ANK3: variants seen among roughly 807,000 people sequenced by gnomAD.
ANK3 encodes the protein ankyrin 3, also known as ankyrin-3.
In ANK3, 57 loss-of-function variants were observed where a neutral mutation model predicts 370.9. The observed-to-expected ratio is 0.15, with a 90% CI of 0.12 to 0.19. The LOEUF (loss-of-function observed/expected upper bound fraction) is 0.19, where lower values mean the gene tolerates loss of function less well. ANK3 is among the 10% of genes least tolerant of loss of function. The probability of loss-of-function intolerance (pLI) is 1.00; values close to 1 mark genes in which losing one functional copy is unlikely to be tolerated. For synonymous variants in ANK3, 1,929 were observed against 1,946.3 expected (o/e 0.99, Z 0.23); for missense variants, 4,439 against 5,302.1 (o/e 0.84, Z 5.06).
chr10:60,714,957 A>C (rs574745288), intron 1 of ANK3, among the ~76,000 whole-genome samples: 1 of 152,340 alleles, frequency 6.6e-6, no homozygotes, highest in Admixed American at 6.5e-5. Context: ...CAACACAAAA[A>C]GTGAACACTG....
intron 7 of ANK3, among the ~76,000 whole-genome samples, chr10:60,242,600 C>CT (rs1200803231): frequency 6.6e-6 from 1 of 152,188 alleles, no homozygotes; most frequent in Non-Finnish European, 1.5e-5. Flanking sequence ...TCTCACTCTT[C>CT]TACACCCACT....
At chr10:60,283,795 C>A (rs1372347427) in intron 1 of ANK3, among the ~76,000 whole-genome samples, 1 of 152,024 alleles carries the variant, frequency 6.6e-6, no homozygotes, top group East Asian at 1.9e-4. Flanking sequence ...TTCAGAGTGC[C>A]AACCTCAGTA....
intron 27 of ANK3, 118 bp downstream of exon 27, chr10:60,108,712 G>C: frequency 5.0e-6 from 4 of 805,966 alleles, no homozygotes; most frequent in Non-Finnish European, 6.0e-6. Context: ...TTTACAAAAA[G>C]TATACTCAAT....
chr10:60,457,581 G>A (rs2133051407), intron 2 of ANK3, among the ~76,000 whole-genome samples: 2 of 152,146 alleles, frequency 1.3e-5, no homozygotes, highest in African/African-American at 4.8e-5. Context: ...CACCCTTCAG[G>A]TCGCCCTTTA....
intron 2 of ANK3, among the ~76,000 whole-genome samples, chr10:60,569,405 A>G (rs1015313857): frequency 6.6e-6 from 1 of 152,224 alleles, no homozygotes; most frequent in Non-Finnish European, 1.5e-5. Flanking sequence ...TCTATTCAAG[A>G]CAAGATATCA....
intron 1 of ANK3, among the ~76,000 whole-genome samples, chr10:60,721,954 T>C (rs907805640): frequency 2.0e-5 from 3 of 152,144 alleles, no homozygotes; most frequent in Non-Finnish European, 4.4e-5. Flanking sequence ...CAAGTGTACA[T>C]ACATTTTGAA....
chr10:60,270,457 C>CATATTTAATAGTTAATATTAATATTTA (rs2097955509), intron 4 of ANK3, among the ~76,000 whole-genome samples: 1 of 152,044 alleles, frequency 6.6e-6, no homozygotes, highest in African/African-American at 2.4e-5. Flanking sequence ...GAGTATAGCT[C>CATATTTAATAGTTAATATTAATATTTA]ATAGTTAATA....
At chr10:60,159,709 G>C (rs1422811676) in intron 23 of ANK3, among the ~76,000 whole-genome samples, 1 of 152,084 alleles carries the variant, frequency 6.6e-6, no homozygotes, top group African/African-American at 2.4e-5. Context: ...TTGCAATCAT[G>C]TCAAGTCTCT....
At chr10:60,199,229 T>TC (rs2096635455) in intron 13 of ANK3, among the ~76,000 whole-genome samples, 1 of 152,176 alleles carries the variant, frequency 6.6e-6, no homozygotes, top group Admixed American at 6.5e-5. Flanking sequence ...CCTGTGGTAG[T>TC]CCTCTAAATA....
intron 8 of ANK3, among the ~76,000 whole-genome samples, chr10:60,229,503 T>C (rs914079224): frequency 1.3e-5 from 2 of 152,312 alleles, no homozygotes; most frequent in Admixed American, 1.3e-4. Context: ...GTATTTAACC[T>C]GAGAAACAGA....
chr10:60,509,212 A>G (rs895605383), intron 2 of ANK3, among the ~76,000 whole-genome samples: 2 of 152,156 alleles, frequency 1.3e-5, no homozygotes, highest in African/African-American at 4.8e-5. Context: ...GACATAGGAA[A>G]TATGCAAAAT....
At chr10:60,251,404 A>G (rs2097662989) in intron 7 of ANK3, among the ~76,000 whole-genome samples, 1 of 152,128 alleles carries the variant, frequency 6.6e-6, no homozygotes, top group African/African-American at 2.4e-5. Context: ...GAGATGTTCA[A>G]TCCAGCATGT....
At chr10:60,411,875 TAAG>T (rs2063567240) in intron 2 of ANK3, among the ~76,000 whole-genome samples, 1 of 152,124 alleles carries the variant, frequency 6.6e-6, no homozygotes, top group Non-Finnish European at 1.5e-5. Flanking sequence ...TATATAAAAA[TAAG>T]GAGTCAAATT....
chr10:60,594,365 G>A (rs143817085), intron 2 of ANK3, among the ~76,000 whole-genome samples: 235 of 152,250 alleles, frequency 1.5e-3, no homozygotes, highest in Non-Finnish European at 3.0e-3. Flanking sequence ...TTAATACAGT[G>A]TATGCTACTT....
At chr10:60,394,586 G>C (rs554070558), upstream of ANK3, among the ~76,000 whole-genome samples, 1 of 152,300 alleles carries the variant, frequency 6.6e-6, no homozygotes, top group East Asian at 1.9e-4. Context: ...ACATGAGGAG[G>C]CTTCCCCAAG....
At chr10:60,505,632 T>C (rs1011055037) in intron 2 of ANK3, among the ~76,000 whole-genome samples, 14 of 152,210 alleles carry the variant, frequency 9.2e-5, no homozygotes, top group African/African-American at 3.4e-4. Flanking sequence ...CAATTCCTTA[T>C]GCTACAAAAT....
chr10:60,665,367 G>A (rs141047267), intron 1 of ANK3, among the ~76,000 whole-genome samples: 97 of 152,286 alleles, frequency 6.4e-4, no homozygotes, highest in African/African-American at 2.2e-3. Flanking sequence ...AAACATGCTC[G>A]TCATTGTGCC....
At chr10:60,557,774 C>T (rs758673743) in intron 2 of ANK3, among the ~76,000 whole-genome samples, 1 of 151,984 alleles carries the variant, frequency 6.6e-6, no homozygotes, top group Non-Finnish European at 1.5e-5. Flanking sequence ...CTATAAAAGG[C>T]CCAGACATAA....
At chr10:60,723,963 C>A (rs1053337147) in intron 1 of ANK3, among the ~76,000 whole-genome samples, 2 of 151,388 alleles carry the variant, frequency 1.3e-5, no homozygotes, top group Non-Finnish European at 2.9e-5. Context: ...GTAATCCCAG[C>A]ACTTTGGGAG....
Sources: allele counts gnomAD v4.1 joint callset (sites outside exome capture counted in the v4.1 genomes callset), GRCh38; gene constraint gnomAD v4.1.1; transcripts MANE v1.5; gene names NCBI Gene and HGNC (gene_info 2026-07-23, HGNC 2026-07-21).